CIP2A: variants seen among roughly 807,000 people sequenced by gnomAD.
CIP2A encodes cellular inhibitor of PP2A.
In CIP2A, 103 loss-of-function variants were observed where a neutral mutation model predicts 110.9. The observed-to-expected ratio is 0.93, with a 90% CI of 0.79 to 1.09. CIP2A has a LOEUF of 1.09. CIP2A is among the 50% of genes least tolerant of loss of function. The pLI is 0.00. For missense variants in CIP2A, 1,088 were observed against 1,038.4 expected (o/e 1.05, Z -0.66); for synonymous variants, 381 against 361.6 (o/e 1.05, Z -0.61).
chr3:108,566,429 A>T (rs1326098531), intron 11 of CIP2A, 68 bp downstream of exon 11: 11 of 1,236,096 alleles, frequency 8.9e-6, no homozygotes, highest in Non-Finnish European at 1.3e-5. Context: ...CTCCAAAAGG[A>T]TGAGAATCAC....
At chr3:108,576,005 G>A (rs1317044440) in intron 8 of CIP2A, among the ~76,000 whole-genome samples, 2 of 151,242 alleles carry the variant, frequency 1.3e-5, no homozygotes, top group Non-Finnish European at 3.0e-5. Context: ...TCAGTATAGT[G>A]GTTATAGCAG....
intron 8 of CIP2A, among the ~76,000 whole-genome samples, chr3:108,574,306 C>T (rs1248305803): frequency 6.6e-6 from 1 of 152,086 alleles, no homozygotes; most frequent in Non-Finnish European, 1.5e-5. Context: ...TGCAATACTA[C>T]TGTATAGACA....
chr3:108,551,005 G>T lies in CIP2A; in HGVS notation c.*144C>A, dbSNP rs953316397. The T allele has an allele frequency of 2.7e-6, 1 of 374,462 alleles. No homozygotes were observed. Among genetic ancestry groups the T allele is most frequent in the Non-Finnish European group, 4.6e-6 (1 of 219,026 alleles). 23.2% of individuals were successfully genotyped at this position (374,462 alleles called of 1,614,324 possible). ...ATTCAAACTATCAAATAAAAAACAT[G>T]CAACAGATCAGGGTCTTTACTAAAT... On this transcript the variant is annotated 3_prime_UTR_variant, in exon 21 of 21. Transcript: ENST00000295746.
intron 13 of CIP2A, among the ~76,000 whole-genome samples, 189 bp downstream of exon 13, chr3:108,562,937 C>T (rs35938863): frequency 0.23 from 34,910 of 151,926 alleles, 4,729 homozygotes; most frequent in Non-Finnish European, 0.31. Flanking sequence ...CTAGCTTTTC[C>T]CTGAGTGAGT....
chr3:108,569,179 T>TATATATACATATATATATATATACATAC (rs1271625941), intron 9 of CIP2A, among the ~76,000 whole-genome samples: 1 of 72,068 alleles, frequency 1.4e-5, no homozygotes, highest in Non-Finnish European at 3.0e-5. Context: ...TATATATATA[T>TATATATACATATATATATATATACATAC]ATACATACAC....
chr3:108,559,424 A>G (rs1434749795), intron 16 of CIP2A, among the ~76,000 whole-genome samples: 1 of 152,182 alleles, frequency 6.6e-6, no homozygotes, highest in Non-Finnish European at 1.5e-5. Context: ...TCTGTGCTTG[A>G]CATATAAAAT....
chr3:108,569,709 T>C lies in CIP2A; in HGVS notation c.895-102A>G, dbSNP rs1039933636. The C allele has an allele frequency of 3.4e-6, 3 of 879,680 alleles. No individual in the cohort carries two copies. The African/African-American group carries it at 5.1e-5, about 15-fold the overall frequency. The allele number at this position is 879,680 out of a possible 1,614,324, so 54.5% of individuals were successfully genotyped here. ...AAAATGCTACATATTTTAAAGAAAA[T>C]ATTCTAAAACAAAACTTAAGTTTTT... is the stretch of plus-strand genomic sequence containing the variant. On this transcript the variant is annotated intron_variant, in intron 8 of 20. Coordinates refer to ENST00000295746, the MANE Select transcript of CIP2A (RefSeq NM_020890.3).
rs1217596897 is a variant in CIP2A at position 108,579,427 on chromosome 3, C to T, written c.673-1G>A. 2 of 1,599,014 alleles carry T rather than the reference C, an allele frequency of 1.3e-6. No homozygotes were observed. The highest frequency in any genetic ancestry group is 4.5e-5 in the East Asian group (2 of 44,548). On this transcript the variant is annotated splice_acceptor_variant, in intron 6 of 20. Coordinates refer to ENST00000295746, the MANE Select transcript of CIP2A (RefSeq NM_020890.3). LOFTEE classifies it high-confidence loss of function. ...GATGAATGTTTCGAGCATGGAATAGCTTAAGGACAAATTAGAAAAAGCATA... is the reference window on the plus strand; with the variant it reads ...GATGAATGTTTCGAGCATGGAATAGTTTAAGGACAAATTAGAAAAAGCATA...
intron 8 of CIP2A, chr3:108,574,951 G>T (rs185955883): frequency 6.6e-6 from 1 of 152,566 alleles, no homozygotes; most frequent in Admixed American, 6.5e-5. Flanking sequence ...CAAATTTAAT[G>T]TGGATAAATG....
chr3:108,553,726 T>C lies in CIP2A; in HGVS notation c.2329A>G (p.Ile777Val). 6.8e-7 allele frequency: 1 copy of C among 1,471,276 alleles called. No individual in the cohort carries two copies. 91.1% of individuals were successfully genotyped at this position (1,471,276 alleles called of 1,614,324 possible). A position where few individuals can be genotyped will look rare whatever the true frequency, so the allele number is the denominator to read the frequency against. The stretch of plus-strand genomic sequence containing the variant: ...TCTTCTTTCTCTATTAATTGGGCAA[T>C]ACTTCTGAAGTTATTAAAAAAAATA... ...ESLKEQNEKS[I>V]AQLIEKEEQR... The change falls in exon 19 of 21, where the codon ATT becomes GTT. Residue 777 changes from isoleucine (I) to valine (V), a missense_variant. Transcript: ENST00000295746.
chr3:108,587,976 G>C (rs185812587), intron 1 of CIP2A, among the ~76,000 whole-genome samples: 1 of 151,924 alleles, frequency 6.6e-6, no homozygotes, highest in Non-Finnish European at 1.5e-5. Flanking sequence ...ACGGGGTTTC[G>C]CATGTTGGTC....
At position 108,582,875 on chromosome 3, in the gene CIP2A, T is replaced by C. The variant is rs376413899; in HGVS notation, c.357+102A>G. On this transcript the variant is annotated intron_variant, in intron 3 of 20. Transcript: ENST00000295746. ...ACTGTGCCTAATCATGTAGTATTTA[T>C]TATATAGCATATATACACTGTAAGT... 1.7e-4 allele frequency: 88 copies of C among 507,694 alleles called. 2 individuals are homozygous for C. The highest frequency in any genetic ancestry group is 1.6e-3 in the East Asian group (49 of 29,962). The allele number at this position is 507,694 out of a possible 1,614,324, so 31.4% of individuals were successfully genotyped here.
At chr3:108,571,408 A>T (rs1164324483) in intron 8 of CIP2A, among the ~76,000 whole-genome samples, 2 of 152,162 alleles carry the variant, frequency 1.3e-5, no homozygotes, top group African/African-American at 4.8e-5. Context: ...GTCATAGGCA[A>T]TAAGAAGTCT....
intron 11 of CIP2A, 144 bp downstream of exon 11, chr3:108,566,353 A>G: frequency 1.6e-6 from 1 of 614,322 alleles, no homozygotes; most frequent in Non-Finnish European, 2.7e-6. Context: ...ATGAATTTAC[A>G]AAAAATTCAT....
At chr3:108,570,019 G>A (rs934272890) in intron 8 of CIP2A, among the ~76,000 whole-genome samples, 1 of 152,006 alleles carries the variant, frequency 6.6e-6, no homozygotes, top group Non-Finnish European at 1.5e-5. Context: ...GGATACTGTA[G>A]CATAGAATAT....
intron 19 of CIP2A, 123 bp downstream of exon 19, chr3:108,553,525 C>T: frequency 1.2e-6 from 1 of 811,736 alleles, no homozygotes; most frequent in Non-Finnish European, 1.9e-6. Context: ...AAAGGGAAGC[C>T]ATTCCAAATA....
Position 108,554,479 on chromosome 3 carries a change from T to A in CIP2A, c.2221A>T (p.Thr741Ser). The A allele has an allele frequency of 7.3e-7, 1 of 1,370,110 alleles. No homozygotes were observed. Among genetic ancestry groups the A allele is most frequent in the Non-Finnish European group, 1.0e-6 (1 of 976,092 alleles). The allele number at this position is 1,370,110 out of a possible 1,614,324, so 84.9% of individuals were successfully genotyped here. ...YMELLQRNES[T>S]EKKNKDLQIT... ...TGTAAATCTTTATTCTTCTTTTCAG[T>A]ACTTTCATTTCTGAAAAGACAAGAA... The change falls in exon 18 of 21, where the codon ACT becomes TCT. Residue 741 changes from threonine (T) to serine (S), a missense_variant. Coordinates refer to ENST00000295746, the MANE Select transcript of CIP2A (RefSeq NM_020890.3).
intron 7 of CIP2A, among the ~76,000 whole-genome samples, chr3:108,577,707 T>C (rs1414837409): frequency 2.0e-5 from 3 of 152,134 alleles, no homozygotes; most frequent in African/African-American, 7.2e-5. Flanking sequence ...AAGACCAGCC[T>C]GGCCAACACG....
Position 108,557,383 on chromosome 3 carries a change from A to G in CIP2A, c.2045T>C (p.Val682Ala), listed in dbSNP as rs1241694884. The G allele has an allele frequency of 3.1e-6, 5 of 1,604,738 alleles. No individual in the cohort carries two copies. In the African/African-American group the frequency reaches 4.0e-5, roughly 13 times the overall value. Reference sequence around the variant, plus strand: ...ACTAAGCTCTTCATTTTTTCTCTCAACTTCTCTCAACATACTAGCAAGTGT... The same window carrying G: ...ACTAAGCTCTTCATTTTTTCTCTCAGCTTCTCTCAACATACTAGCAAGTGT... ...ARTLASMLREVERKNEELSVL... is the reference protein window; with the variant it reads ...ARTLASMLREAERKNEELSVL... The change falls in exon 17 of 21, where the codon GTT (valine) becomes GCT (alanine). Residue 682 changes from valine to alanine, a missense_variant. By Grantham distance (64) the Val-to-Ala change is moderately conservative. Coordinates refer to ENST00000295746, the MANE Select transcript of CIP2A (RefSeq NM_020890.3).
Sources: allele counts gnomAD v4.1 joint callset (sites outside exome capture counted in the v4.1 genomes callset), GRCh38; gene constraint gnomAD v4.1.1; transcripts MANE v1.5; gene names NCBI Gene and HGNC (gene_info 2026-07-23, HGNC 2026-07-21).